Variants in CNTN4 observed in about 807,000 individuals in gnomAD.
The protein encoded by CNTN4 is contactin 4.
CNTN4 carries 77 observed loss-of-function variants against 122.5 expected under a neutral mutation model. That is an observed-to-expected ratio of 0.63 (90% confidence interval 0.52 to 0.76). CNTN4 has a LOEUF of 0.76. Among genes scored for constraint, CNTN4 ranks in the 30% least tolerant of loss-of-function variants. The probability of loss-of-function intolerance (pLI) is 0.00; values close to 1 mark genes in which losing one functional copy is unlikely to be tolerated. For synonymous variants in CNTN4, 512 were observed against 447.0 expected (o/e 1.15, Z -1.83); for missense variants, 1,256 against 1,259.1 (o/e 1.00, Z 0.04).
At chr3:2,530,825 C>G (rs1266540046) in intron 3 of CNTN4, among the ~76,000 whole-genome samples, 1 of 152,112 alleles carries the variant, frequency 6.6e-6, no homozygotes, top group African/African-American at 2.4e-5. Context: ...AGAAGTTACT[C>G]TAAGCTTTAT....
At chr3:2,706,937 A>G (rs1182627959) in intron 4 of CNTN4, among the ~76,000 whole-genome samples, 1 of 152,124 alleles carries the variant, frequency 6.6e-6, no homozygotes. Flanking sequence ...CAAAGTGCCC[A>G]GAAGTGTAAC....
chr3:2,624,353 T>G (rs2082101868), intron 4 of CNTN4, among the ~76,000 whole-genome samples: 1 of 152,146 alleles, frequency 6.6e-6, no homozygotes, highest in South Asian at 2.1e-4. Flanking sequence ...GAATTTAATT[T>G]TTAGAAAGCT....
At chr3:2,174,389 C>T (rs1559312060) in intron 2 of CNTN4, among the ~76,000 whole-genome samples, 1 of 152,142 alleles carries the variant, frequency 6.6e-6, no homozygotes, top group Non-Finnish European at 1.5e-5. Context: ...ACATTTATTT[C>T]TCAAAATTCT....
chr3:2,629,575 G>T (rs1314123905), intron 4 of CNTN4: 1 of 452,106 alleles, frequency 2.2e-6, no homozygotes, highest in Non-Finnish European at 4.4e-6. Context: ...CAGCCTTGGA[G>T]GCTGGTGAGT....
intron 3 of CNTN4, among the ~76,000 whole-genome samples, chr3:2,529,162 T>C (rs533005693): frequency 1.3e-5 from 2 of 152,100 alleles, no homozygotes; most frequent in Non-Finnish European, 1.5e-5. Context: ...TTCTAGGAGA[T>C]CAACTTTTCT....
chr3:2,930,690 A>T (rs1199833638), intron 13 of CNTN4, among the ~76,000 whole-genome samples: 2 of 152,226 alleles, frequency 1.3e-5, no homozygotes, highest in Non-Finnish European at 2.9e-5. Context: ...TGCATGTCGC[A>T]GGCTTGGGTT....
At chr3:2,516,310 C>A (rs1273477718) in intron 3 of CNTN4, among the ~76,000 whole-genome samples, 1 of 151,924 alleles carries the variant, frequency 6.6e-6, no homozygotes, top group Non-Finnish European at 1.5e-5. Flanking sequence ...TTTGTTTTAT[C>A]GTCGTGCATC....
At chr3:2,360,341 C>T (rs2045074928) in intron 3 of CNTN4, among the ~76,000 whole-genome samples, 1 of 151,992 alleles carries the variant, frequency 6.6e-6, no homozygotes, top group Non-Finnish European at 1.5e-5. Context: ...TTTCTGGAAT[C>T]CTTAGGGTTT....
At chr3:2,224,129 G>A (rs1013777472) in intron 2 of CNTN4, among the ~76,000 whole-genome samples, 12 of 152,142 alleles carry the variant, frequency 7.9e-5, no homozygotes, top group Admixed American at 6.5e-4. Flanking sequence ...TTTTACAAAA[G>A]GACAGCTTTT....
In CNTN4 at chr3:2,277,937, A is replaced by AT. The variant is rs141651791; in HGVS notation, c.-144-61231dup. 4.6e-5 allele frequency among the ~76,000 whole-genome samples: 7 copies of AT among 150,968 alleles called. No individual in the cohort carries two copies. In the South Asian group the frequency reaches 6.3e-4, roughly 14 times the overall value. Reference sequence around the variant, plus strand: ...AGAAGCACAGAGGATAATGGCTTAAATTTTTTTTTTCGCAGAAAATTGTAA... The same window carrying AT: ...AGAAGCACAGAGGATAATGGCTTAAATTTTTTTTTTTCGCAGAAAATTGTAA... On this transcript the variant is annotated intron_variant, in intron 2 of 24. Coordinates refer to ENST00000418658, the MANE Select transcript of CNTN4 (RefSeq NM_175607.3).
At position 2,900,822 on chromosome 3, in the gene CNTN4, G is replaced by A; in HGVS notation, c.1077+1G>A. On this transcript the variant is annotated splice_donor_variant, in intron 11 of 24. Transcript: ENST00000418658. LOFTEE classifies it high-confidence loss of function. ...AAATGGCGAACCTCTGCTAACTCGG[G>A]TAAGCAAGTTAATGGTAATTGTGCC... 5 of 1,613,834 alleles carry A rather than the reference G, an allele frequency of 3.1e-6. No individual in the cohort carries two copies. Among genetic ancestry groups the A allele is most frequent in the Non-Finnish European group, 3.4e-6 (4 of 1,179,732 alleles).
chr3:2,368,187 A>T (rs966149560), intron 3 of CNTN4, among the ~76,000 whole-genome samples: 1 of 72,974 alleles, frequency 1.4e-5, no homozygotes, highest in Non-Finnish European at 3.2e-5. Context: ...GCCCGCCACC[A>T]CGCCCAGCTA....
At chr3:2,792,068 T>C (rs1043160250) in intron 6 of CNTN4, among the ~76,000 whole-genome samples, 3 of 152,160 alleles carry the variant, frequency 2.0e-5, no homozygotes, top group African/African-American at 7.2e-5. Context: ...CATGTACCCC[T>C]GAACTTAAAA....
chr3:2,249,521 G>C (rs1240548922), intron 2 of CNTN4, among the ~76,000 whole-genome samples: 1 of 151,994 alleles, frequency 6.6e-6, no homozygotes, highest in Admixed American at 6.6e-5. Flanking sequence ...TTATAGAATG[G>C]GTAGGGTTTG....
intron 2 of CNTN4, among the ~76,000 whole-genome samples, chr3:2,164,451 AAGG>A (rs570762646): frequency 3.3e-5 from 5 of 152,178 alleles, no homozygotes; most frequent in African/African-American, 1.2e-4. Context: ...AGATGAGAGG[AAGG>A]AGGAGAACTA....
chr3:2,608,592 C>T (rs1051882609), intron 4 of CNTN4, among the ~76,000 whole-genome samples: 1 of 152,222 alleles, frequency 6.6e-6, no homozygotes, highest in East Asian at 1.9e-4. Flanking sequence ...AGCAATTTTC[C>T]TGCCTCAGCT....
chr3:2,740,319 C>T (rs2089386600), intron 5 of CNTN4, among the ~76,000 whole-genome samples: 1 of 152,102 alleles, frequency 6.6e-6, no homozygotes, highest in African/African-American at 2.4e-5. Context: ...ATGATTGCAC[C>T]ACTACATTCC....
At chr3:2,153,685 A>C (rs1253150669) in intron 2 of CNTN4, among the ~76,000 whole-genome samples, 4 of 152,162 alleles carry the variant, frequency 2.6e-5, no homozygotes, top group African/African-American at 9.7e-5. Flanking sequence ...TGAAGCGTTT[A>C]AATAATGACC....
intron 13 of CNTN4, among the ~76,000 whole-genome samples, chr3:2,931,043 T>G (rs191291341): frequency 6.6e-6 from 1 of 152,278 alleles, no homozygotes; most frequent in African/African-American, 2.4e-5. Context: ...ATTGAAGGAT[T>G]TTATGCAAGG....
Sources: gnomAD v4.1 joint callset for allele counts (sites outside exome capture counted in the v4.1 genomes callset) on GRCh38, gnomAD v4.1.1 for gene constraint, MANE v1.5 for transcripts, NCBI Gene and HGNC (gene_info 2026-07-23, HGNC 2026-07-21) for gene names.